TSHZ3: variants seen among roughly 807,000 people sequenced by gnomAD.
TSHZ3 encodes the protein teashirt homolog 3.
In TSHZ3, 10 loss-of-function variants were observed where a neutral mutation model predicts 64.5. The observed-to-expected ratio is 0.16, with a 90% CI of 0.10 to 0.26. The LOEUF (loss-of-function observed/expected upper bound fraction) is 0.26. Among genes scored for constraint, TSHZ3 ranks in the 10% least tolerant of loss-of-function variants. The pLI, the probability that TSHZ3 is intolerant of heterozygous loss-of-function variation, is 1.00. For synonymous variants in TSHZ3, 608 were observed against 593.1 expected, an observed-to-expected ratio of 1.03 and a Z score of -0.36; for missense variants, 1,242 against 1,421.7, an observed-to-expected ratio of 0.87 and a Z score of 2.03.
chr19:31,245,215 G>T (rs761487999), intron 1 of TSHZ3, among the ~76,000 whole-genome samples: 5 of 152,118 alleles, frequency 3.3e-5, no homozygotes, highest in Non-Finnish European at 5.9e-5. Context: ...CTGGGGTCTG[G>T]ATTTGAGTCC....
At chr19:31,159,760 A>G (rs1382657801) in intron 5 of TSHZ3, among the ~76,000 whole-genome samples, 9 of 151,890 alleles carry the variant, frequency 5.9e-5, no homozygotes, top group Admixed American at 5.9e-4. Flanking sequence ...CAATACAATC[A>G]TGGCTCACTG....
chr19:31,194,075 T>G (rs553120102), intron 5 of TSHZ3, among the ~76,000 whole-genome samples: 1 of 79,288 alleles, frequency 1.3e-5, no homozygotes, highest in South Asian at 4.2e-4. Context: ...AATCACAACT[T>G]ACTAGATAGA....
chr19:31,324,028 A>G (rs116280534), intron 1 of TSHZ3, among the ~76,000 whole-genome samples: 4,102 of 152,086 alleles, frequency 0.027, 96 homozygotes, highest in African/African-American at 0.061. Context: ...CATCTTCACA[A>G]CCAAAAGCAG....
At chr19:31,281,622 G>A (rs1215717147) in intron 1 of TSHZ3, among the ~76,000 whole-genome samples, 1 of 152,204 alleles carries the variant, frequency 6.6e-6, no homozygotes, top group Non-Finnish European at 1.5e-5. Flanking sequence ...AATAAAGACA[G>A]CAAAAGCTCT....
chr19:31,340,757 C>T (rs1022036009), intron 1 of TSHZ3, among the ~76,000 whole-genome samples: 8 of 152,320 alleles, frequency 5.3e-5, no homozygotes, highest in Non-Finnish European at 7.3e-5. Flanking sequence ...AGGGCCCAGA[C>T]CCCAGGACCC....
chr19:31,169,499 G>A (rs995676627), intron 5 of TSHZ3, among the ~76,000 whole-genome samples: 2 of 152,176 alleles, frequency 1.3e-5, no homozygotes, highest in African/African-American at 2.4e-5. Flanking sequence ...TACTGGTACA[G>A]GGTTCCAGCT....
chr19:31,301,513 A>C (rs1395662389), intron 1 of TSHZ3, among the ~76,000 whole-genome samples: 4 of 152,122 alleles, frequency 2.6e-5, no homozygotes, highest in Admixed American at 6.5e-5. Flanking sequence ...ACATAACCAA[A>C]ATAAACAGCC....
At chr19:31,203,630 C>A (rs1449509900) in intron 5 of TSHZ3, among the ~76,000 whole-genome samples, 1 of 152,012 alleles carries the variant, frequency 6.6e-6, no homozygotes, top group Non-Finnish European at 1.5e-5. Context: ...ACCACACAGA[C>A]CCAGTGAAGA....
upstream of TSHZ3, among the ~76,000 whole-genome samples, chr19:31,349,793 G>C (rs1322817521): frequency 1.4e-5 from 2 of 147,272 alleles, no homozygotes; most frequent in South Asian, 4.3e-4. Context: ...CCCGGGGCTC[G>C]GCGGTCCAGT....
chr19:31,336,368 G>A (rs574868706), intron 1 of TSHZ3, among the ~76,000 whole-genome samples: 2 of 152,218 alleles, frequency 1.3e-5, no homozygotes, highest in African/African-American at 2.4e-5. Context: ...CCAGGTTATC[G>A]CTCTCTGGCT....
At chr19:31,342,371 C>G (rs559863881) in intron 1 of TSHZ3, among the ~76,000 whole-genome samples, 1 of 152,136 alleles carries the variant, frequency 6.6e-6, no homozygotes, top group East Asian at 1.9e-4. Flanking sequence ...CTTAATAGTA[C>G]GTTGGTGATA....
At chr19:31,347,706 G>C (rs1262717862) in intron 1 of TSHZ3, among the ~76,000 whole-genome samples, 2 of 152,208 alleles carry the variant, frequency 1.3e-5, no homozygotes, top group Non-Finnish European at 2.9e-5. Flanking sequence ...CGAGGACAGA[G>C]AGCAAAACCT....
intron 5 of TSHZ3, among the ~76,000 whole-genome samples, chr19:31,177,796 T>C (rs1257922143): frequency 2.0e-5 from 3 of 152,202 alleles, no homozygotes; most frequent in Non-Finnish European, 2.9e-5. Flanking sequence ...CTTTTGAAGC[T>C]CACAGCAACC....
chr19:31,329,045 A>G (rs531265515), intron 1 of TSHZ3, among the ~76,000 whole-genome samples: 1 of 152,324 alleles, frequency 6.6e-6, no homozygotes, highest in Non-Finnish European at 1.5e-5. Flanking sequence ...AGCCACATTT[A>G]CAGAAAATGA....
intron 5 of TSHZ3, among the ~76,000 whole-genome samples, chr19:31,200,250 G>GA (rs35031950): frequency 0.011 from 1,668 of 147,162 alleles, 20 homozygotes; most frequent in East Asian, 0.052. Flanking sequence ...ACTTATGTCT[G>GA]AAAAAAAAAA....
intron 1 of TSHZ3, among the ~76,000 whole-genome samples, chr19:31,320,005 G>A (rs1160218740): frequency 6.6e-6 from 1 of 152,104 alleles, no homozygotes; most frequent in East Asian, 1.9e-4. Context: ...GCTACAGCCT[G>A]GCTCAAAAAC....
At chr19:31,256,249 CT>C (rs1291660697) in intron 1 of TSHZ3, among the ~76,000 whole-genome samples, 1 of 152,108 alleles carries the variant, frequency 6.6e-6, no homozygotes, top group East Asian at 1.9e-4. Flanking sequence ...GGTGGCCTTG[CT>C]TTTAGTCTTC....
At chr19:31,336,025 T>C (rs1462242885) in intron 1 of TSHZ3, among the ~76,000 whole-genome samples, 2 of 152,242 alleles carry the variant, frequency 1.3e-5, no homozygotes, top group Non-Finnish European at 2.9e-5. Flanking sequence ...TTTCTTCCTT[T>C]TCATGAATTC....
rs536863227 is a variant in TSHZ3, at chr19:31,172,878, G to T, written n.810-16461C>A. Among the ~76,000 whole-genome samples the T allele has an allele frequency of 8.0e-4, 122 of 152,312 alleles. No homozygotes were observed. In the Middle Eastern group the frequency reaches 0.017, roughly 21 times the overall value. ...GGCAAAGGCCCTGGGGCAGAAGTGG[G>T]CCTGACCTGTTCCTGGCACAGCAGT... On this transcript the variant is annotated intron_variant and non_coding_transcript_variant, in intron 5 of 6. Transcript: ENST00000651361.
Sources: gnomAD v4.1 joint callset for allele counts (sites outside exome capture counted in the v4.1 genomes callset) on GRCh38, gnomAD v4.1.1 for gene constraint, MANE v1.5 for transcripts, NCBI Gene and HGNC (gene_info 2026-07-23, HGNC 2026-07-21) for gene names.